Variants in CIB2 observed in about 807,000 individuals in gnomAD.
CIB2 encodes calcium and integrin-binding family member 2.
CIB2 carries 19 observed loss-of-function variants against 23.1 expected under a neutral mutation model. The observed-to-expected ratio is 0.82, with a 90% CI of 0.57 to 1.21. The LOEUF (loss-of-function observed/expected upper bound fraction) is 1.21. CIB2 is among the 50% of genes most tolerant of loss of function. The pLI, the probability that CIB2 is intolerant of heterozygous loss-of-function variation, is 0.00. For synonymous variants in CIB2, 94 were observed against 91.7 expected, an observed-to-expected ratio of 1.03 and a Z score of -0.14; for missense variants, 220 against 241.5, an observed-to-expected ratio of 0.91 and a Z score of 0.59.
intron 1 of CIB2, among the ~76,000 whole-genome samples, chr15:78,124,092 T>C (rs1169227109): frequency 1.3e-5 from 2 of 152,034 alleles, no homozygotes; most frequent in Non-Finnish European, 2.9e-5. Flanking sequence ...GGGAGGTGGC[T>C]GGGAGACAAC....
At position 78,131,282 on chromosome 15, in the gene CIB2, G is replaced by A; in HGVS notation, c.-67C>T. 2 of 1,235,458 alleles carry A rather than the reference G, an allele frequency of 1.6e-6. No individual in the cohort carries two copies. The highest frequency in any genetic ancestry group is 2.0e-6 in the Non-Finnish European group (2 of 979,424). The allele number at this position is 1,235,458 out of a possible 1,614,324, so 76.5% of individuals were successfully genotyped here. On this transcript the variant is annotated 5_prime_UTR_variant, in exon 1 of 6. Coordinates refer to ENST00000258930, the MANE Select transcript of CIB2 (RefSeq NM_006383.4). This position sits in a 1 kb window ranked among gnomAD's most constrained non-coding sequence, Gnocchi z 5.8. ...CCCATCAGCGGCCGCCAGACCCGGA[G>A]CCAGCGCCCCGTGCCCGCGGCCCTC...
intron 2 of CIB2, chr15:78,120,686 A>C: frequency 1.0e-6 from 1 of 985,470 alleles, no homozygotes; most frequent in Non-Finnish European, 1.2e-6. Flanking sequence ...GGCAGAGGGA[A>C]GGAGAATTGG....
In CIB2 at chr15:78,105,013, G is replaced by GT; in HGVS notation, c.*297_*298insA. The GT allele has an allele frequency of 2.3e-6, 1 of 433,922 alleles. No individual in the cohort carries two copies. The allele number at this position is 433,922 out of a possible 1,614,324, so 26.9% of individuals were successfully genotyped here. A position where few individuals can be genotyped will look rare whatever the true frequency, so the allele number is the denominator to read the frequency against. Reference sequence around the variant, plus strand: ...GGGTTATCTGCTTTTCCCTCTTTGGGGGGGTGGGGAGCATTTCTGGAGTAG... The same window carrying GT: ...GGGTTATCTGCTTTTCCCTCTTTGGGTGGGGTGGGGAGCATTTCTGGAGTAG... On this transcript the variant is annotated 3_prime_UTR_variant, in exon 6 of 6. Transcript: ENST00000258930.
chr15:78,111,325 C>A, intron 2 of CIB2, 49 bp from the exon 3 acceptor site: 2 of 1,481,842 alleles, frequency 1.3e-6, no homozygotes, highest in South Asian at 2.4e-5. Context: ...CATCCCTAAG[C>A]CCCAGCAGCC....
intron 1 of CIB2, among the ~76,000 whole-genome samples, chr15:78,130,863 C>A (rs1417339516): frequency 1.3e-5 from 2 of 152,156 alleles, no homozygotes; most frequent in East Asian, 3.8e-4. Context: ...CCTCTCCGGG[C>A]CAGATGGGCG....
At chr15:78,110,692 C>T (rs1415478969) in intron 3 of CIB2, 1 of 456,158 alleles carries the variant, frequency 2.2e-6, no homozygotes, top group African/African-American at 2.0e-5. Context: ...CCTGACTCTA[C>T]TCCACATGTA....
At chr15:78,117,402 AC>A (rs1391881389) in intron 2 of CIB2, among the ~76,000 whole-genome samples, 1 of 152,148 alleles carries the variant, frequency 6.6e-6, no homozygotes, top group African/African-American at 2.4e-5. Context: ...AATGTATGAA[AC>A]AGACATTGGC....
chr15:78,120,830 A>ATGGTTTTCTTGGT, intron 2 of CIB2: 1 of 713,446 alleles, frequency 1.4e-6, no homozygotes, highest in Non-Finnish European at 1.7e-6. Context: ...GCTTACCAAG[A>ATGGTTTTCTTGGT]AAACCATCCT....
chr15:78,121,300 C>T (rs1238030879), intron 2 of CIB2, among the ~76,000 whole-genome samples: 3 of 152,150 alleles, frequency 2.0e-5, no homozygotes. Context: ...GGGCCTCAGG[C>T]TTGGGTTTTG....
chr15:78,105,322 T>C lies in CIB2; in HGVS notation c.553A>G (p.Ile185Val), dbSNP rs1394187545. 6.2e-7 allele frequency: 1 copy of C among 1,613,562 alleles called. No homozygotes were observed. Among genetic ancestry groups the C allele is most frequent in the East Asian group, 2.2e-5 (1 of 44,884 alleles). The change falls in exon 6 of 6, where the codon ATC becomes GTC. Residue 185 changes from isoleucine (I) to valine (V), a missense_variant. By Grantham distance (29) the Ile-to-Val change is conservative. Transcript: ENST00000258930. ...KAPDFLSTFH[I>V]RI ...CCTCGGCAGTGTCCTCAGATCCGGA[T>C]GTGGAAAGTGCTAGAAAGAGAGAAA...
chr15:78,124,428 C>G (rs1223744398), intron 1 of CIB2, among the ~76,000 whole-genome samples: 1 of 151,902 alleles, frequency 6.6e-6, no homozygotes, highest in East Asian at 1.9e-4. Context: ...GGGGGCAGCA[C>G]TTGGCTCCTA....
intron 2 of CIB2, among the ~76,000 whole-genome samples, chr15:78,113,747 G>A (rs1293220010): frequency 1.3e-5 from 2 of 152,140 alleles, no homozygotes; most frequent in African/African-American, 4.8e-5. Flanking sequence ...AGCCAGGATG[G>A]TCTCAATCTC....
In CIB2 at chr15:78,111,102, G is replaced by T. The variant is rs1025314673; in HGVS notation, c.198+63C>A. On this transcript the variant is annotated intron_variant, in intron 3 of 5. Transcript: ENST00000258930. ...GAGCTGGGTTCAGCCTAGACCTGGG[G>T]GCCTCTGCTGCTGGTCCAGAGGCAC... The T allele has an allele frequency of 7.2e-6, 10 of 1,386,026 alleles. No individual in the cohort carries two copies. The East Asian group carries it at 2.3e-4, about 32-fold the overall frequency. 85.9% of individuals were successfully genotyped at this position (1,386,026 alleles called of 1,614,324 possible). A position where few individuals can be genotyped will look rare whatever the true frequency, so the allele number is the denominator to read the frequency against.
Position 78,105,815 on chromosome 15 carries a change from C to A in CIB2, c.466G>T (p.Ala156Ser). Residue 156 changes from alanine (A) to serine (S), a missense_variant, in exon 5 of 6, where the codon GCT (alanine) becomes TCT (serine). Ala to Ser is a moderately conservative substitution (Grantham distance 99). Transcript: ENST00000258930. ...VLVCDKVIEE[A>S]DLDGDGKLGF... The stretch of plus-strand genomic sequence containing the variant: ...AGCTTGCCGTCACCGTCCAAGTCAG[C>A]CTCCTCAATGACCTTGTCGCACACA... 6.2e-7 allele frequency: 1 copy of A among 1,614,178 alleles called. No individual in the cohort carries two copies. Among genetic ancestry groups the A allele is most frequent in the South Asian group, 1.1e-5 (1 of 91,086 alleles).
At position 78,105,495 on chromosome 15, in the gene CIB2, G is replaced by T; in HGVS notation, c.543-163C>A. 2.0e-6 allele frequency: 3 copies of T among 1,505,054 alleles called. No homozygotes were observed. In the Admixed American group the frequency reaches 6.5e-5, roughly 32 times the overall value. The allele number at this position is 1,505,054 out of a possible 1,614,324, so 93.2% of individuals were successfully genotyped here. On this transcript the variant is annotated intron_variant, in intron 5 of 5. Coordinates refer to ENST00000258930, the MANE Select transcript of CIB2 (RefSeq NM_006383.4). ...TAATCAACACTGGGGGAAGACGGAG[G>T]AACAGCGGTGCCCAGGGAGTTCTGC... is the stretch of plus-strand genomic sequence containing the variant.
At chr15:78,121,683 G>T (rs1022434081) in intron 2 of CIB2, among the ~76,000 whole-genome samples, 2 of 152,156 alleles carry the variant, frequency 1.3e-5, no homozygotes, top group Non-Finnish European at 2.9e-5. Flanking sequence ...GGATGTGTTT[G>T]CCTCCCCTTC....
At chr15:78,116,302 AAT>A (rs1253547519) in intron 2 of CIB2, among the ~76,000 whole-genome samples, 1 of 151,460 alleles carries the variant, frequency 6.6e-6, no homozygotes. Context: ...CTCTACAAAA[AAT>A]ATATATATAT....
chr15:78,108,983 C>G (rs572195477), intron 4 of CIB2, among the ~76,000 whole-genome samples: 18 of 152,324 alleles, frequency 1.2e-4, no homozygotes, highest in African/African-American at 4.1e-4. Context: ...ATGCCTGGGA[C>G]CCCTCTCACA....
At chr15:78,108,307 G>T (rs2141885020) in intron 4 of CIB2, among the ~76,000 whole-genome samples, 1 of 152,270 alleles carries the variant, frequency 6.6e-6, no homozygotes, top group South Asian at 2.1e-4. Context: ...ACGTGCTGAG[G>T]ACAGGAGCTT....
Sources: gnomAD v4.1 joint callset for allele counts (sites outside exome capture counted in the v4.1 genomes callset) on GRCh38, gnomAD v4.1.1 for gene constraint, Gnocchi (gnomAD v3.1) non-coding constraint, MANE v1.5 for transcripts, NCBI Gene and HGNC (gene_info 2026-07-23, HGNC 2026-07-21) for gene names.